UBAP1: variants seen among roughly 807,000 people sequenced by gnomAD.
UBAP1 encodes ubiquitin-associated protein 1.
A neutral mutation model predicts 39.0 loss-of-function variants in UBAP1; 5 were observed. The observed-to-expected ratio is 0.13, with a 90% CI of 0.07 to 0.27. The LOEUF (loss-of-function observed/expected upper bound fraction) is 0.27. Ranked by LOEUF, UBAP1 falls within the 10% of genes least tolerant of loss-of-function variation. The pLI is 1.00. For missense variants in UBAP1, 490 were observed against 608.1 expected (o/e 0.81, Z 2.04); for synonymous variants, 211 against 225.1 (o/e 0.94, Z 0.56).
At chr9:34,246,836 A>AAATATTTGT (rs141325207) in intron 4 of UBAP1, among the ~76,000 whole-genome samples, 1 of 152,208 alleles carries the variant, frequency 6.6e-6, no homozygotes, top group African/African-American at 2.4e-5. Context: ...CTCCTTTCAC[A>AAATATTTGT]AACGTACTTT....
intron 1 of UBAP1, among the ~76,000 whole-genome samples, chr9:34,182,160 G>GTTTATTTATTTATTTATTTA (rs10530740): frequency 7.2e-5 from 6 of 82,858 alleles, no homozygotes; most frequent in Non-Finnish European, 1.2e-4. Context: ...GATCCCTGAC[G>GTTTATTTATTTATTTATTTA]TTTATTTATT....
chr9:34,196,384 C>T (rs542971892), intron 1 of UBAP1, among the ~76,000 whole-genome samples: 10 of 150,696 alleles, frequency 6.6e-5, no homozygotes, highest in South Asian at 2.1e-4. Flanking sequence ...GGCGTGATCT[C>T]GGCTCACTGC....
chr9:34,183,401 C>T (rs1358833925), intron 1 of UBAP1, among the ~76,000 whole-genome samples: 2 of 151,344 alleles, frequency 1.3e-5, no homozygotes, highest in African/African-American at 2.4e-5. Context: ...AAAAATTAGC[C>T]GGGCGTGGTG....
At chr9:34,183,673 T>G (rs899327613) in intron 1 of UBAP1, among the ~76,000 whole-genome samples, 9 of 151,556 alleles carry the variant, frequency 5.9e-5, no homozygotes, top group African/African-American at 2.2e-4. Context: ...AGAATGGGAA[T>G]CCCTGCTTCT....
In UBAP1 at chr9:34,247,456, G is replaced by A. The variant is rs376442475; in HGVS notation, c.1084-2323G>A. Among the ~76,000 whole-genome samples the A allele has an allele frequency of 7.9e-5, 12 of 151,558 alleles. No individual in the cohort carries two copies. In the East Asian group the frequency reaches 9.7e-4, roughly 12 times the overall value. On this transcript the variant is annotated intron_variant, in intron 4 of 6. Transcript: ENST00000297661. Reference sequence around the variant, plus strand: ...TTTATTTATTTAGAGACGGTGTCTCGCTGTGTCAACCAGGCTGGAGTGCAG... The same window carrying A: ...TTTATTTATTTAGAGACGGTGTCTCACTGTGTCAACCAGGCTGGAGTGCAG...
At chr9:34,184,777 C>T (rs991987136) in intron 1 of UBAP1, among the ~76,000 whole-genome samples, 3 of 151,206 alleles carry the variant, frequency 2.0e-5, no homozygotes, top group African/African-American at 7.3e-5. Flanking sequence ...TGGTGTGCCA[C>T]CATGTCCGGC....
At chr9:34,215,347 T>C (rs1230642381) in intron 1 of UBAP1, among the ~76,000 whole-genome samples, 1 of 152,030 alleles carries the variant, frequency 6.6e-6, no homozygotes, top group Non-Finnish European at 1.5e-5. Flanking sequence ...TATGATGGAA[T>C]ACTGCTCAGC....
chr9:34,208,459 AT>A (rs1831833038), intron 1 of UBAP1, among the ~76,000 whole-genome samples: 1 of 151,892 alleles, frequency 6.6e-6, no homozygotes. Flanking sequence ...CCTAGCCACC[AT>A]GGTGAAACCC....
intron 4 of UBAP1, among the ~76,000 whole-genome samples, chr9:34,246,103 T>A (rs1834165082): frequency 6.6e-6 from 1 of 152,130 alleles, no homozygotes; most frequent in Admixed American, 6.5e-5. Flanking sequence ...TTTTTATTAT[T>A]TTTTTTGAGA....
rs147194833 is a variant in UBAP1 at position 34,241,792 on chromosome 9, C to G, written c.767C>G (p.Pro256Arg). ...CTGTCTTCCAAAGTGTCCCTCCCCC[C>G]TATACCTGCAGTAAGCAATATCAAA... ...MSLSSKVSLPPIPAVSNIKSL... is the reference protein window; with the variant it reads ...MSLSSKVSLPRIPAVSNIKSL... Residue 256 changes from proline to arginine, a missense_variant, in exon 4 of 7, where the codon CCT (proline) becomes CGT (arginine). This residue lies in a region of UBAP1 where 339 missense variants were observed against 390.0 expected (regional missense o/e 0.87). Coordinates refer to ENST00000297661, the MANE Select transcript of UBAP1 (RefSeq NM_016525.5). The G allele has an allele frequency of 1.9e-6, 3 of 1,614,006 alleles. No individual in the cohort carries two copies. The highest frequency in any genetic ancestry group is 2.7e-5 in the African/African-American group (2 of 74,916).
chr9:34,247,397 T>C (rs1834233407), intron 4 of UBAP1, among the ~76,000 whole-genome samples: 1 of 152,220 alleles, frequency 6.6e-6, no homozygotes, highest in Non-Finnish European at 1.5e-5. Flanking sequence ...GTAGAGCATG[T>C]ACAATTAATA....
intron 1 of UBAP1, among the ~76,000 whole-genome samples, chr9:34,208,612 C>T (rs988212401): frequency 3.9e-5 from 6 of 151,964 alleles, no homozygotes; most frequent in African/African-American, 1.5e-4. Flanking sequence ...CCCGTCTCTA[C>T]TAAAAATACA....
At chr9:34,225,601 C>T (rs1833001598) in intron 2 of UBAP1, among the ~76,000 whole-genome samples, 1 of 151,550 alleles carries the variant, frequency 6.6e-6, no homozygotes, top group Admixed American at 6.6e-5. Flanking sequence ...CATGGTGAAA[C>T]CCTGTCTCTA....
chr9:34,194,224 C>T (rs894529193), intron 1 of UBAP1, among the ~76,000 whole-genome samples: 5 of 151,926 alleles, frequency 3.3e-5, no homozygotes, highest in Non-Finnish European at 5.9e-5. Flanking sequence ...ATTTTGTATT[C>T]ATTTTGAGGG....
At chr9:34,230,247 G>T (rs995911586) in intron 2 of UBAP1, among the ~76,000 whole-genome samples, 3 of 151,528 alleles carry the variant, frequency 2.0e-5, no homozygotes, top group East Asian at 2.0e-4. Context: ...TGTATTTTTA[G>T]TAGAGACGGG....
At chr9:34,224,928 A>G (rs1402777248) in intron 2 of UBAP1, among the ~76,000 whole-genome samples, 1 of 152,222 alleles carries the variant, frequency 6.6e-6, no homozygotes, top group African/African-American at 2.4e-5. Context: ...TTCTTGGCCT[A>G]ATAGTGTAGA....
chr9:34,225,426 A>T (rs1242185616), intron 2 of UBAP1, among the ~76,000 whole-genome samples: 1 of 151,716 alleles, frequency 6.6e-6, no homozygotes, highest in Non-Finnish European at 1.5e-5. Context: ...TCTTATAAAA[A>T]CTCCATACCC....
At position 34,251,623 on chromosome 9, in the gene UBAP1, C is replaced by T. The variant is rs574573887; in HGVS notation, c.*91C>T. 2.1e-4 allele frequency: 303 copies of T among 1,446,338 alleles called. 1 individual carries two copies. Among genetic ancestry groups the T allele is most frequent in the South Asian group, 5.7e-4 (43 of 75,284 alleles). 89.6% of individuals were successfully genotyped at this position (1,446,338 alleles called of 1,614,324 possible). A position where few individuals can be genotyped will look rare whatever the true frequency, so the allele number is the denominator to read the frequency against. On this transcript the variant is annotated 3_prime_UTR_variant, in exon 7 of 7. Transcript: ENST00000297661. ...GTGGGGAAAGAGAAGGGGCAGCTTC[C>T]GGATTTTCTTTTGGGGGTTAGAAGG...
At chr9:34,195,349 C>T (rs551326256) in intron 1 of UBAP1, among the ~76,000 whole-genome samples, 144 of 151,952 alleles carry the variant, frequency 9.5e-4, no homozygotes, top group African/African-American at 3.0e-3. Flanking sequence ...TTATATATGA[C>T]GTCATATGGA....
Sources: allele counts gnomAD v4.1 joint callset (sites outside exome capture counted in the v4.1 genomes callset), GRCh38; gene constraint gnomAD v4.1.1; regional missense constraint gnomAD v4.1.1; transcripts MANE v1.5; gene names NCBI Gene and HGNC (gene_info 2026-07-23, HGNC 2026-07-21).